GPC6: variants seen among roughly 807,000 people sequenced by gnomAD.
The protein encoded by GPC6 is glypican-6.
Under a neutral mutation model 55.2 loss-of-function variants are expected in GPC6, and 14 were observed. The observed-to-expected ratio is 0.25, with a 90% confidence interval of 0.17 to 0.40. GPC6 has a LOEUF of 0.40. GPC6 is among the 10% of genes least tolerant of loss of function. GPC6 has a pLI of 1.00. For synonymous variants in GPC6, 278 were observed against 259.6 expected (o/e 1.07, Z -0.68); for missense variants, 641 against 708.5 (o/e 0.90, Z 1.08).
intron 5 of GPC6, among the ~76,000 whole-genome samples, chr13:94,295,893 G>T (rs9524417): frequency 0.016 from 2,370 of 151,848 alleles, 32 homozygotes; most frequent in East Asian, 0.036. Flanking sequence ...TAAATTCACA[G>T]TATCTTCTCT....
chr13:93,872,852 GTCT>G (rs1258470135), intron 3 of GPC6, among the ~76,000 whole-genome samples: 2 of 152,052 alleles, frequency 1.3e-5, no homozygotes, highest in Non-Finnish European at 2.9e-5. Flanking sequence ...TTTCCAGAAT[GTCT>G]TCTTAATTAC....
chr13:94,155,118 AC>A (rs1315096017), intron 4 of GPC6, among the ~76,000 whole-genome samples: 1 of 152,026 alleles, frequency 6.6e-6, no homozygotes, highest in Admixed American at 6.6e-5. Context: ...TGCAGGTCAA[AC>A]GTCTCTCCTG....
In GPC6 at chr13:94,306,649, T is replaced by G. The variant is rs150467088; in HGVS notation, c.1152+526T>G. Among the ~76,000 whole-genome samples, 253 of 152,318 alleles carry G rather than the reference T, an allele frequency of 1.7e-3. 1 individual carries two copies. Among genetic ancestry groups the G allele is most frequent in the African/African-American group, 5.7e-3 (237 of 41,576 alleles). Reference sequence around the variant, plus strand: ...GGAATCCTTAGAATTAGTCACTCTTTGAGCTGTTTAGATGTGTGTCAGGGG... The same window carrying G: ...GGAATCCTTAGAATTAGTCACTCTTGGAGCTGTTTAGATGTGTGTCAGGGG... On this transcript the variant is annotated intron_variant, in intron 6 of 8. Coordinates refer to ENST00000377047, the MANE Select transcript of GPC6 (RefSeq NM_005708.5).
chr13:93,760,278 C>T (rs1458058445), intron 2 of GPC6, among the ~76,000 whole-genome samples: 1 of 152,166 alleles, frequency 6.6e-6, no homozygotes, highest in Non-Finnish European at 1.5e-5. Context: ...TCTTGACCAC[C>T]ATGTTAAGCC....
chr13:94,256,329 G>A (rs1253916598), intron 4 of GPC6, among the ~76,000 whole-genome samples: 1 of 152,150 alleles, frequency 6.6e-6, no homozygotes, highest in African/African-American at 2.4e-5. Flanking sequence ...AAATGGGCTG[G>A]AGCAGAATGA....
intron 1 of GPC6, among the ~76,000 whole-genome samples, chr13:93,469,907 G>A (rs1003209444): frequency 6.6e-6 from 1 of 151,992 alleles, no homozygotes; most frequent in Non-Finnish European, 1.5e-5. Context: ...TTCTGTTTTT[G>A]TCAGAAATTT....
At chr13:93,224,833 T>C (rs1875714217), upstream of GPC6, among the ~76,000 whole-genome samples, 1 of 152,226 alleles carries the variant, frequency 6.6e-6, no homozygotes, top group Non-Finnish European at 1.5e-5. Context: ...ATCTAATTCT[T>C]TGGTCTGACT....
chr13:94,319,900 A>G lies in GPC6; in HGVS notation c.1152+13777A>G, dbSNP rs192426426. Reference sequence around the variant, plus strand: ...GGATGTATTGGGCTTCCTGAATTTCATGATTGGTTTCTTTGATTGTTCTGG... The same window carrying G: ...GGATGTATTGGGCTTCCTGAATTTCGTGATTGGTTTCTTTGATTGTTCTGG... On this transcript the variant is annotated intron_variant, in intron 6 of 8. Coordinates refer to ENST00000377047, the MANE Select transcript of GPC6 (RefSeq NM_005708.5). 9.5e-4 allele frequency among the ~76,000 whole-genome samples: 145 copies of G among 152,150 alleles called. 5 individuals carry two copies. Among genetic ancestry groups the G allele is most frequent in the Admixed American group, 9.4e-3 (144 of 15,284 alleles).
At chr13:93,775,150 C>T (rs1274455612) in intron 2 of GPC6, among the ~76,000 whole-genome samples, 4 of 152,000 alleles carry the variant, frequency 2.6e-5, no homozygotes, top group Admixed American at 2.6e-4. Context: ...AGTAGTTAAT[C>T]CTCATTATCT....
At chr13:93,563,770 A>T (rs1012368195) in intron 2 of GPC6, among the ~76,000 whole-genome samples, 1 of 152,054 alleles carries the variant, frequency 6.6e-6, no homozygotes, top group Admixed American at 6.6e-5. Context: ...AAAAAAAAAA[A>T]AAAGACTAAT....
intron 1 of GPC6, among the ~76,000 whole-genome samples, chr13:93,385,881 C>A (rs1875376680): frequency 6.6e-6 from 1 of 152,028 alleles, no homozygotes; most frequent in Non-Finnish European, 1.5e-5. Flanking sequence ...TTCGACCCAA[C>A]AGACTCAGAG....
intron 2 of GPC6, among the ~76,000 whole-genome samples, chr13:93,774,617 A>C (rs1161471477): frequency 2.0e-5 from 3 of 152,190 alleles, no homozygotes; most frequent in Non-Finnish European, 4.4e-5. Context: ...TTATATTCTG[A>C]GTAACATCTT....
chr13:94,234,702 T>C (rs557074462), intron 4 of GPC6, among the ~76,000 whole-genome samples: 18 of 152,248 alleles, frequency 1.2e-4, no homozygotes, highest in African/African-American at 4.3e-4. Flanking sequence ...TTTCCAGTGT[T>C]TCAGGAAGTT....
chr13:93,838,513 G>A (rs1187046192), intron 3 of GPC6, among the ~76,000 whole-genome samples: 1 of 152,142 alleles, frequency 6.6e-6, no homozygotes, highest in Admixed American at 6.5e-5. Context: ...TATCATTTGG[G>A]CATATTATTT....
At position 93,253,277 on chromosome 13, in the gene GPC6, C is replaced by T. The variant is rs531835094; in HGVS notation, c.160+25661C>T. Among the ~76,000 whole-genome samples, 3 of 152,264 alleles carry T rather than the reference C, an allele frequency of 2.0e-5. No individual in the cohort carries two copies. In the East Asian group the frequency reaches 5.8e-4, roughly 29 times the overall value. ...GGATAAAGCAATCAAATTGTACTGC[C>T]TTTTGAATGATCTATTTATGATGGA... On this transcript the variant is annotated intron_variant, in intron 1 of 8. Transcript: ENST00000377047.
intron 2 of GPC6, among the ~76,000 whole-genome samples, chr13:93,778,965 T>G (rs1255504424): frequency 6.6e-6 from 1 of 152,210 alleles, no homozygotes; most frequent in Non-Finnish European, 1.5e-5. Context: ...AAAAGATCAT[T>G]GAGATAAACA....
chr13:93,832,915 C>T (rs908711742), intron 3 of GPC6, among the ~76,000 whole-genome samples: 1 of 152,094 alleles, frequency 6.6e-6, no homozygotes, highest in African/African-American at 2.4e-5. Flanking sequence ...GAATATAGTC[C>T]GTAGGTCATT....
At chr13:93,943,068 A>G (rs1276961708) in intron 3 of GPC6, among the ~76,000 whole-genome samples, 3 of 152,122 alleles carry the variant, frequency 2.0e-5, no homozygotes, top group African/African-American at 7.2e-5. Context: ...AGGCTTTTCA[A>G]TAGCACTTTA....
intron 4 of GPC6, among the ~76,000 whole-genome samples, chr13:94,036,866 C>A (rs753201495): frequency 4.6e-5 from 7 of 151,960 alleles, no homozygotes; most frequent in Non-Finnish European, 8.8e-5. Flanking sequence ...TCAAAATCCA[C>A]CACAATCGTT....
Sources: gnomAD v4.1 joint callset for allele counts (sites outside exome capture counted in the v4.1 genomes callset) on GRCh38, gnomAD v4.1.1 for gene constraint, MANE v1.5 for transcripts, NCBI Gene and HGNC (gene_info 2026-07-23, HGNC 2026-07-21) for gene names.